The following FER1L6 variants were observed in gnomAD, a reference collection of about 807,000 sequenced individuals.
The protein encoded by FER1L6 is fer-1-like protein 6.
A neutral mutation model predicts 219.2 loss-of-function variants in FER1L6; 177 were observed. That is an observed-to-expected ratio of 0.81 (90% CI 0.71 to 0.91). The LOEUF (loss-of-function observed/expected upper bound fraction) is 0.91. Among genes scored for constraint, FER1L6 ranks in the 40% least tolerant of loss-of-function variants. FER1L6 has a pLI of 0.00. For missense variants in FER1L6, 2,153 were observed against 2,259.9 expected, an observed-to-expected ratio of 0.95 and a Z score of 0.96; for synonymous variants, 768 against 824.3, an observed-to-expected ratio of 0.93 and a Z score of 1.17.
At chr8:123,955,464 C>T (rs1357188073) in intron 1 of FER1L6, among the ~76,000 whole-genome samples, 1 of 152,186 alleles carries the variant, frequency 6.6e-6, no homozygotes, top group African/African-American at 2.4e-5. Context: ...ATGGTGTTTA[C>T]TCTGCTGAAG....
chr8:124,045,804 T>C lies in FER1L6; in HGVS notation c.2627T>C (p.Met876Thr), dbSNP rs1195255774. Residue 876 changes from methionine to threonine, a missense_variant, in exon 21 of 41, where the codon ATG (methionine) becomes ACG (threonine). Coordinates refer to ENST00000522917, the MANE Select transcript of FER1L6 (RefSeq NM_001039112.2). ...ACCCTCTCTCCGACCTGGAACCAGA[T>C]GCTGCTGTTCAATGATTTGGTGCTG... is the stretch of plus-strand genomic sequence containing the variant. ...SQTLSPTWNQMLLFNDLVLHG... is the reference protein window; with the variant it reads ...SQTLSPTWNQTLLFNDLVLHG... 6.2e-7 allele frequency: 1 copy of C among 1,614,168 alleles called. No individual in the cohort carries two copies. The highest frequency in any genetic ancestry group is 8.5e-7 in the Non-Finnish European group (1 of 1,180,006).
chr8:123,867,757 A>AT (rs369732557), intron 1 of FER1L6, among the ~76,000 whole-genome samples: 3,670 of 152,108 alleles, frequency 0.024, 138 homozygotes, highest in African/African-American at 0.083. Flanking sequence ...GATGGATGGC[A>AT]TTTTTTTTCT....
intron 12 of FER1L6, among the ~76,000 whole-genome samples, chr8:123,994,086 T>G (rs1259664992): frequency 2.0e-5 from 3 of 152,222 alleles, no homozygotes; most frequent in African/African-American, 4.8e-5. Flanking sequence ...TGTAATAGAC[T>G]GTGTCGGTTG....
At chr8:124,062,625 T>C (rs1364026414) in intron 25 of FER1L6, among the ~76,000 whole-genome samples, 1 of 152,256 alleles carries the variant, frequency 6.6e-6, no homozygotes, top group African/African-American at 2.4e-5. Flanking sequence ...AGCCTGTTAC[T>C]ATTACTCGCT....
intron 12 of FER1L6, among the ~76,000 whole-genome samples, chr8:123,992,506 T>C (rs905000322): frequency 2.6e-5 from 4 of 152,180 alleles, no homozygotes; most frequent in East Asian, 3.8e-4. Flanking sequence ...GTATTCATAG[T>C]AGTCTTGAAT....
At chr8:123,955,424 G>C (rs1814970874) in intron 1 of FER1L6, among the ~76,000 whole-genome samples, 1 of 152,192 alleles carries the variant, frequency 6.6e-6, no homozygotes, top group African/African-American at 2.4e-5. Context: ...AGGCCTTCTT[G>C]ACCTTGGTCT....
At chr8:123,961,358 G>C (rs369069606) in intron 2 of FER1L6, among the ~76,000 whole-genome samples, 1 of 152,188 alleles carries the variant, frequency 6.6e-6, no homozygotes, top group South Asian at 2.1e-4. Context: ...TGATGCTTAC[G>C]CACATCACAT....
chr8:123,992,921 G>T (rs941357340), intron 12 of FER1L6, among the ~76,000 whole-genome samples: 3 of 152,090 alleles, frequency 2.0e-5, no homozygotes, highest in Non-Finnish European at 4.4e-5. Context: ...TTATTTCAAA[G>T]AATTTTTAAA....
At chr8:123,902,681 T>C (rs1453473887) in intron 1 of FER1L6, among the ~76,000 whole-genome samples, 2 of 152,208 alleles carry the variant, frequency 1.3e-5, no homozygotes, top group Admixed American at 6.5e-5. Context: ...TGAGTCCTTA[T>C]GTGTTAGGTG....
chr8:124,114,559 T>C (rs1460850975), intron 39 of FER1L6, among the ~76,000 whole-genome samples: 1 of 151,516 alleles, frequency 6.6e-6, no homozygotes, highest in Admixed American at 6.6e-5. Context: ...GCAGATAAAA[T>C]CCAAAATGAG....
chr8:124,010,827 G>T, intron 14 of FER1L6, 113 bp downstream of exon 14: 2 of 1,417,210 alleles, frequency 1.4e-6, no homozygotes, highest in Non-Finnish European at 1.9e-6. Flanking sequence ...CAAATAAATT[G>T]AGGATGCTGC....
intron 1 of FER1L6, among the ~76,000 whole-genome samples, chr8:123,902,005 C>G (rs1812868120): frequency 6.6e-6 from 1 of 152,158 alleles, no homozygotes; most frequent in Non-Finnish European, 1.5e-5. Context: ...AGGTGTGAGC[C>G]ACCATGCCCA....
At chr8:123,944,922 C>T (rs1458750707) in intron 1 of FER1L6, among the ~76,000 whole-genome samples, 1 of 152,184 alleles carries the variant, frequency 6.6e-6, no homozygotes, top group Non-Finnish European at 1.5e-5. Context: ...TGACACATAT[C>T]TCTCTATAAG....
At chr8:124,040,682 G>C (rs1819446683) in intron 20 of FER1L6, 1 of 153,040 alleles carries the variant, frequency 6.5e-6, no homozygotes. Flanking sequence ...GGGCCTTCTT[G>C]CTGGTGGGAC....
rs569056035 is a variant in FER1L6, at chr8:123,933,368, A to T, written c.-7-22624A>T. On this transcript the variant is annotated intron_variant, in intron 1 of 40. Transcript: ENST00000522917. ...TATAGTCTGATCTTTCTATCATAGC[A>T]TATGTGTGTCTGTGTGTGTGTGTGT... Among the ~76,000 whole-genome samples, 16 of 137,590 alleles carry T rather than the reference A, an allele frequency of 1.2e-4. No individual in the cohort carries two copies. The East Asian group carries it at 3.5e-3, about 30-fold the overall frequency. 90.3% of individuals were successfully genotyped at this position (137,590 alleles called of 152,430 possible).
At chr8:123,874,645 T>A (rs1423834517) in intron 1 of FER1L6, among the ~76,000 whole-genome samples, 1 of 152,234 alleles carries the variant, frequency 6.6e-6, no homozygotes, top group African/African-American at 2.4e-5. Flanking sequence ...TGTCTGTAAA[T>A]GAATTAAATG....
intron 1 of FER1L6, among the ~76,000 whole-genome samples, chr8:123,892,406 C>T (rs1444803290): frequency 1.3e-5 from 2 of 151,996 alleles, no homozygotes; most frequent in East Asian, 3.9e-4. Flanking sequence ...ATTCTTGTGT[C>T]TCAGCCCCGC....
rs200902274 is a variant in FER1L6, at chr8:124,023,535, A to G, written c.2225A>G (p.Tyr742Cys). Residue 742 changes from tyrosine (Y) to cysteine (C), a missense_variant, in exon 18 of 41, where the codon TAT becomes TGT. Transcript: ENST00000522917. ...CGCATCGCCTCCAAAGACCTCCTCT[A>G]TTCCCCTGTCGCGGGGCAGATGGGC... ...YARIASKDLLYSPVAGQMGKH... is the reference protein window; with the variant it reads ...YARIASKDLLCSPVAGQMGKH... 8.1e-6 allele frequency: 13 copies of G among 1,614,174 alleles called. No individual in the cohort carries two copies. In the East Asian group the frequency reaches 2.0e-4, roughly 25 times the overall value.
chr8:123,870,467 G>A (rs559010957), intron 1 of FER1L6, among the ~76,000 whole-genome samples: 8 of 152,242 alleles, frequency 5.3e-5, no homozygotes, highest in Admixed American at 3.3e-4. Context: ...TTATTCAGTG[G>A]TAAAAAAGAA....
Sources: gnomAD v4.1 joint callset for allele counts (sites outside exome capture counted in the v4.1 genomes callset) on GRCh38, gnomAD v4.1.1 for gene constraint, MANE v1.5 for transcripts, NCBI Gene and HGNC (gene_info 2026-07-23, HGNC 2026-07-21) for gene names.